XYLT1: variants seen among roughly 807,000 people sequenced by gnomAD.
XYLT1 encodes the protein xylosyltransferase 1, also known as beta-D-xylosyltransferase 1.
A neutral mutation model predicts 91.3 loss-of-function variants in XYLT1; 36 were observed. The ratio of observed to expected loss-of-function variants is 0.39; its 90% CI spans 0.30 to 0.52. The LOEUF (loss-of-function observed/expected upper bound fraction) is 0.52, where lower values mean the gene tolerates loss of function less well. Among genes scored for constraint, XYLT1 ranks in the 20% least tolerant of loss-of-function variants. The pLI is 0.68. For missense variants in XYLT1, 1,242 were observed against 1,284.5 expected, an observed-to-expected ratio of 0.97 and a Z score of 0.51; for synonymous variants, 588 against 532.0, an observed-to-expected ratio of 1.11 and a Z score of -1.45.
intron 3 of XYLT1, among the ~76,000 whole-genome samples, chr16:17,210,660 C>T (rs1469053625): frequency 6.6e-6 from 1 of 152,212 alleles, no homozygotes; most frequent in Non-Finnish European, 1.5e-5. Context: ...GATCTTCCCC[C>T]TTCAGCCTCC....
At chr16:17,377,766 A>C (rs973305201) in intron 1 of XYLT1, among the ~76,000 whole-genome samples, 8 of 152,174 alleles carry the variant, frequency 5.3e-5, no homozygotes, top group African/African-American at 1.9e-4. Flanking sequence ...CAAGCACTGG[A>C]GCATCCCCAT....
chr16:17,467,574 T>C (rs1184047188), intron 1 of XYLT1, among the ~76,000 whole-genome samples: 1 of 152,248 alleles, frequency 6.6e-6, no homozygotes, highest in Non-Finnish European at 1.5e-5. Flanking sequence ...AAATCTTTTA[T>C]GGACATGCCC....
chr16:17,118,132 A>T (rs2029915500), intron 10 of XYLT1, among the ~76,000 whole-genome samples, 153 bp from the exon 11 acceptor site: 1 of 152,210 alleles, frequency 6.6e-6, no homozygotes, highest in Admixed American at 6.5e-5. Flanking sequence ...AAGGTTGCAC[A>T]GCTTGTAAGC....
chr16:17,456,101 C>CTTCA, intron 1 of XYLT1, among the ~76,000 whole-genome samples: 1 of 152,268 alleles, frequency 6.6e-6, no homozygotes, highest in East Asian at 1.9e-4. Context: ...GTCACCCCAG[C>CTTCA]TTCACTCTGT....
At chr16:17,236,827 A>G (rs2141728770) in intron 3 of XYLT1, among the ~76,000 whole-genome samples, 1 of 152,212 alleles carries the variant, frequency 6.6e-6, no homozygotes, top group Middle Eastern at 3.4e-3. Flanking sequence ...CTCTTTTTAT[A>G]CGGACACAGT....
At chr16:17,338,420 G>A (rs1231602227) in intron 2 of XYLT1, 1 of 456,552 alleles carries the variant, frequency 2.2e-6, no homozygotes, top group Non-Finnish European at 4.4e-6. Flanking sequence ...TGACACTTTG[G>A]AAAAGGCTGC....
At chr16:17,260,198 G>C (rs983686442) in intron 2 of XYLT1, among the ~76,000 whole-genome samples, 1 of 152,130 alleles carries the variant, frequency 6.6e-6, no homozygotes, top group South Asian at 2.1e-4. Flanking sequence ...CAAAGATCAG[G>C]AGTCATTCTG....
chr16:17,327,923 T>A lies in XYLT1; in HGVS notation c.402+30089A>T, dbSNP rs529556659. On this transcript the variant is annotated intron_variant, in intron 2 of 11. Transcript: ENST00000261381. ...AGGATAAGATCAGGTATTTGCAAAG[T>A]GTGAGGCTCCAGCCACACTCCTCTG... Among the ~76,000 whole-genome samples, 14 of 152,200 alleles carry A rather than the reference T, an allele frequency of 9.2e-5. No individual in the cohort carries two copies. The South Asian group carries it at 2.9e-3, about 32-fold the overall frequency.
At chr16:17,135,728 T>C (rs887090417) in intron 8 of XYLT1, among the ~76,000 whole-genome samples, 3 of 152,218 alleles carry the variant, frequency 2.0e-5, no homozygotes, top group Non-Finnish European at 4.4e-5. Flanking sequence ...GGTCCAGGGT[T>C]AAAGAAATAC....
At chr16:17,423,169 C>T (rs2036270109) in intron 1 of XYLT1, among the ~76,000 whole-genome samples, 1 of 152,186 alleles carries the variant, frequency 6.6e-6, no homozygotes, top group Non-Finnish European at 1.5e-5. Context: ...TTTATCTGGT[C>T]CCTTCTTCCT....
At chr16:17,297,582 G>C (rs1327457779) in intron 2 of XYLT1, among the ~76,000 whole-genome samples, 1 of 152,048 alleles carries the variant, frequency 6.6e-6, no homozygotes, top group East Asian at 1.9e-4. Context: ...ACTTAGCTTG[G>C]TATGGGGGCC....
intron 2 of XYLT1, among the ~76,000 whole-genome samples, chr16:17,301,232 G>A (rs1354870613): frequency 6.6e-6 from 1 of 152,076 alleles, no homozygotes; most frequent in East Asian, 1.9e-4. Context: ...CCAACATGGT[G>A]AAACTCTGTC....
intron 1 of XYLT1, among the ~76,000 whole-genome samples, chr16:17,454,903 T>TTCCCCCCCC (rs2036717751): frequency 5.4e-5 from 2 of 36,972 alleles, no homozygotes; most frequent in African/African-American, 3.7e-4. Context: ...CATTCTTTCC[T>TTCCCCCCCC]CCCCCCCCCG....
Position 17,470,523 on chromosome 16 carries a change from C to A in XYLT1, c.274G>T (p.Gly92Trp). Residue 92 changes from glycine (G) to tryptophan (W), a missense_variant, in exon 1 of 12, where the codon GGG (glycine) becomes TGG (tryptophan). Gly to Trp is a radical substitution (Grantham distance 184). Transcript: ENST00000261381. ...CCTCCCCGCGCCCGCGCCTGGGGCCCCCGTCCTCCTCCTCCTCCGCCGCCG... is the reference window on the plus strand; with the variant it reads ...CCTCCCCGCGCCCGCGCCTGGGGCCACCGTCCTCCTCCTCCTCCGCCGCCG... ...GGGGGGGGGR[G>W]PQARARGGGP... is the part of the protein sequence containing the mutation. The A allele has an allele frequency of 8.1e-7, 1 of 1,227,858 alleles. No individual in the cohort carries two copies. Among genetic ancestry groups the A allele is most frequent in the Non-Finnish European group, 1.0e-6 (1 of 986,012 alleles). 76.1% of individuals were successfully genotyped at this position (1,227,858 alleles called of 1,614,324 possible).
At position 17,102,442 on chromosome 16, in the gene XYLT1, C is replaced by A. The variant is rs974631942; in HGVS notation, c.*6253G>T. On this transcript the variant is annotated 3_prime_UTR_variant, in exon 12 of 12. Coordinates refer to ENST00000261381, the MANE Select transcript of XYLT1 (RefSeq NM_022166.4). ...TATGATACAGTATTTAATACATCCA[C>A]TGTTTTCTGCAAAAAATGTTGCTTT... 6.6e-6 allele frequency: 1 copy of A among 152,578 alleles called. No homozygotes were observed. The highest frequency in any genetic ancestry group is 1.5e-5 in the Non-Finnish European group (1 of 68,034). The allele number at this position is 152,578 out of a possible 1,614,324, so 9.5% of individuals were successfully genotyped here.
chr16:17,412,363 A>G (rs1048361690), intron 1 of XYLT1, among the ~76,000 whole-genome samples: 2 of 151,988 alleles, frequency 1.3e-5, no homozygotes, highest in South Asian at 4.2e-4. Flanking sequence ...GTCCTGGCGC[A>G]CACACACGTA....
At chr16:17,296,961 G>C (rs1057346069) in intron 2 of XYLT1, among the ~76,000 whole-genome samples, 1 of 152,146 alleles carries the variant, frequency 6.6e-6, no homozygotes. Context: ...ATGACTTTCC[G>C]AGTTTCTTTT....
chr16:17,163,995 G>A (rs972550204), intron 5 of XYLT1, among the ~76,000 whole-genome samples: 1 of 120,824 alleles, frequency 8.3e-6, no homozygotes, highest in Non-Finnish European at 1.6e-5. Context: ...GAGAGATCGC[G>A]CCACTGTACT....
chr16:17,226,858 T>A (rs1037143834), intron 3 of XYLT1, among the ~76,000 whole-genome samples: 1 of 152,320 alleles, frequency 6.6e-6, no homozygotes, highest in Non-Finnish European at 1.5e-5. Flanking sequence ...TAGACCTGGG[T>A]CCATCACTGT....
Sources: gnomAD v4.1 joint callset for allele counts (sites outside exome capture counted in the v4.1 genomes callset) on GRCh38, gnomAD v4.1.1 for gene constraint, MANE v1.5 for transcripts, NCBI Gene and HGNC (gene_info 2026-07-23, HGNC 2026-07-21) for gene names.